Variants in CNTN4 observed in about 807,000 individuals in gnomAD.
The protein encoded by CNTN4 is contactin-4.
A neutral mutation model predicts 122.5 loss-of-function variants in CNTN4; 77 were observed. That is an observed-to-expected ratio of 0.63 (90% CI 0.52 to 0.76). The LOEUF is 0.76. Among genes scored for constraint, CNTN4 ranks in the 30% least tolerant of loss-of-function variants. CNTN4 has a pLI of 0.00. For missense variants in CNTN4, 1,256 were observed against 1,259.1 expected, an observed-to-expected ratio of 1.00 and a Z score of 0.04; for synonymous variants, 512 against 447.0, an observed-to-expected ratio of 1.15 and a Z score of -1.83.
At chr3:2,579,918 T>G (rs1559263119) in intron 4 of CNTN4, among the ~76,000 whole-genome samples, 1 of 152,206 alleles carries the variant, frequency 6.6e-6, no homozygotes, top group African/African-American at 2.4e-5. Flanking sequence ...TTTCTGGCCA[T>G]TCTTCAGTGG....
intron 3 of CNTN4, among the ~76,000 whole-genome samples, chr3:2,460,647 A>G (rs1025714320): frequency 6.6e-6 from 1 of 152,188 alleles, no homozygotes; most frequent in Non-Finnish European, 1.5e-5. Flanking sequence ...AAAACAATTC[A>G]TGTTTCGCTT....
At chr3:2,318,605 A>T (rs2043186812) in intron 2 of CNTN4, among the ~76,000 whole-genome samples, 1 of 151,924 alleles carries the variant, frequency 6.6e-6, no homozygotes. Flanking sequence ...GTGCAGATTT[A>T]CTTTTTATTT....
chr3:2,379,885 T>C lies in CNTN4; in HGVS notation c.-89+40652T>C, dbSNP rs573259432. Among the ~76,000 whole-genome samples the C allele has an allele frequency of 3.9e-5, 6 of 151,948 alleles. 1 individual carries two copies. The highest frequency in any genetic ancestry group is 1.4e-4 in the African/African-American group (6 of 41,408). ...ACCTGACAAACATGGAGAAACCCCA[T>C]CTCTAGGAAAAATACAAAAAAATTA... On this transcript the variant is annotated intron_variant, in intron 3 of 24. Transcript: ENST00000418658.
chr3:2,244,673 A>G (rs1195033661), intron 2 of CNTN4, among the ~76,000 whole-genome samples: 2 of 151,974 alleles, frequency 1.3e-5, no homozygotes, highest in Admixed American at 1.3e-4. Context: ...TTATATTTCC[A>G]TTGGACAGTC....
At chr3:2,154,995 C>G (rs2149140455) in intron 2 of CNTN4, among the ~76,000 whole-genome samples, 1 of 152,340 alleles carries the variant, frequency 6.6e-6, no homozygotes, top group East Asian at 1.9e-4. Flanking sequence ...AAAAACCTCT[C>G]CCATCATCCA....
intron 6 of CNTN4, among the ~76,000 whole-genome samples, chr3:2,817,300 G>A (rs2150216557): frequency 6.6e-6 from 1 of 152,294 alleles, no homozygotes; most frequent in Non-Finnish European, 1.5e-5. Flanking sequence ...ATTAAGACCT[G>A]CCCATGGTAT....
At chr3:2,229,933 G>C (rs1336406048) in intron 2 of CNTN4, among the ~76,000 whole-genome samples, 2 of 152,156 alleles carry the variant, frequency 1.3e-5, no homozygotes, top group Non-Finnish European at 2.9e-5. Context: ...AATGTTTGAT[G>C]AGTGAATGCA....
At chr3:2,550,442 A>G (rs535525874) in intron 3 of CNTN4, among the ~76,000 whole-genome samples, 11 of 152,324 alleles carry the variant, frequency 7.2e-5, no homozygotes, top group Non-Finnish European at 1.6e-4. Flanking sequence ...TTAAAAAGTC[A>G]GGAAACAGCA....
At chr3:3,017,023 C>T (rs3967317) in intron 14 of CNTN4, among the ~76,000 whole-genome samples, 21,537 of 152,110 alleles carry the variant, frequency 0.14, 1,834 homozygotes, top group African/African-American at 0.25. Context: ...CTGTGCCTCT[C>T]GGTATGAATC....
intron 3 of CNTN4, among the ~76,000 whole-genome samples, chr3:2,537,905 C>G (rs534951810): frequency 6.6e-6 from 1 of 151,964 alleles, no homozygotes; most frequent in African/African-American, 2.4e-5. Flanking sequence ...CCCTCCTTCC[C>G]GTCAAGTCTC....
chr3:2,608,278 A>G (rs1231067455), intron 4 of CNTN4, among the ~76,000 whole-genome samples: 4 of 152,164 alleles, frequency 2.6e-5, no homozygotes, highest in African/African-American at 9.7e-5. Context: ...TTATATGAAC[A>G]ACTTGAATTG....
At chr3:2,477,328 C>T (rs563043779) in intron 3 of CNTN4, among the ~76,000 whole-genome samples, 1 of 152,174 alleles carries the variant, frequency 6.6e-6, no homozygotes, top group East Asian at 1.9e-4. Flanking sequence ...GTTGGACATT[C>T]CATGTTTTAT....
chr3:2,451,062 G>T (rs1272499426), intron 3 of CNTN4, among the ~76,000 whole-genome samples: 1 of 152,108 alleles, frequency 6.6e-6, no homozygotes, highest in Non-Finnish European at 1.5e-5. Flanking sequence ...ACTTTTCTAT[G>T]ACCTAAAAGA....
intron 7 of CNTN4, among the ~76,000 whole-genome samples, chr3:2,857,468 C>G (rs1056710187): frequency 3.3e-5 from 5 of 152,170 alleles, no homozygotes; most frequent in Non-Finnish European, 7.4e-5. Flanking sequence ...TCTTTATCCC[C>G]CATGAACAGT....
chr3:2,628,370 G>C (rs1160859409), intron 4 of CNTN4, among the ~76,000 whole-genome samples: 5 of 152,172 alleles, frequency 3.3e-5, no homozygotes, highest in African/African-American at 1.2e-4. Flanking sequence ...AGCTGGAGTA[G>C]GACACCTTAA....
chr3:2,324,406 A>C (rs2043380093), intron 2 of CNTN4, among the ~76,000 whole-genome samples: 1 of 152,208 alleles, frequency 6.6e-6, no homozygotes. Context: ...TTTATGAGTT[A>C]TAACACTGTC....
At chr3:2,979,627 A>C (rs1693773817) in intron 13 of CNTN4, among the ~76,000 whole-genome samples, 2 of 150,532 alleles carry the variant, frequency 1.3e-5, no homozygotes, top group Non-Finnish European at 3.0e-5. Flanking sequence ...TTTTTTTTTA[A>C]TTGCACATAA....
At chr3:2,721,577 G>A (rs2087856013) in intron 4 of CNTN4, among the ~76,000 whole-genome samples, 1 of 152,162 alleles carries the variant, frequency 6.6e-6, no homozygotes, top group Non-Finnish European at 1.5e-5. Context: ...GTGTGCATAT[G>A]TGAGTGTGAG....
chr3:2,540,139 A>C (rs1242937418), intron 3 of CNTN4, among the ~76,000 whole-genome samples: 1 of 151,982 alleles, frequency 6.6e-6, no homozygotes, highest in Non-Finnish European at 1.5e-5. Flanking sequence ...TGATATAAAA[A>C]ATTGGGGTTG....
Sources: allele counts gnomAD v4.1 joint callset (sites outside exome capture counted in the v4.1 genomes callset), GRCh38; gene constraint gnomAD v4.1.1; transcripts MANE v1.5; gene names NCBI Gene and HGNC (gene_info 2026-07-23, HGNC 2026-07-21).